POLR3GL: variants seen among roughly 807,000 people sequenced by gnomAD.
The protein encoded by POLR3GL is DNA-directed RNA polymerase III subunit RPC7-like.
POLR3GL carries 26 observed loss-of-function variants against 32.4 expected under a neutral mutation model. The ratio of observed to expected loss-of-function variants is 0.80; its 90% CI spans 0.59 to 1.11. The LOEUF is 1.11. POLR3GL is among the 50% of genes most tolerant of loss of function. The pLI is 0.00. For synonymous variants in POLR3GL, 95 were observed against 98.7 expected, an observed-to-expected ratio of 0.96 and a Z score of 0.22; for missense variants, 229 against 280.1, an observed-to-expected ratio of 0.82 and a Z score of 1.30.
In POLR3GL at chr1:145,978,419, A is replaced by T; in HGVS notation, c.629A>T (p.Asp210Val). ...GGAGAGGACTTTGGTGGTGACAGTGATGACAATATGGACGAGGCTATATAC... is the reference window on the plus strand; with the variant it reads ...GGAGAGGACTTTGGTGGTGACAGTGTTGACAATATGGACGAGGCTATATAC... The part of the protein sequence containing the change: ...DNGEDFGGDS[D>V]DNMDEAIY Residue 210 changes from aspartate to valine, a missense_variant, in exon 8 of 8, where the codon GAT becomes GTT. Coordinates refer to ENST00000369314, the MANE Select transcript of POLR3GL (RefSeq NM_032305.3). The T allele has an allele frequency of 6.2e-7, 1 of 1,610,490 alleles. No individual in the cohort carries two copies. The highest frequency in any genetic ancestry group is 8.5e-7 in the Non-Finnish European group (1 of 1,176,974).
intron 1 of POLR3GL, among the ~76,000 whole-genome samples, chr1:145,969,357 C>T (rs1373418416): frequency 2.6e-5 from 4 of 151,864 alleles, no homozygotes; most frequent in Non-Finnish European, 2.9e-5. Flanking sequence ...CTCCACCTCC[C>T]GGGTTCAAGC....
Position 145,972,047 on chromosome 1 carries a change from G to T in POLR3GL, c.-41-2778G>T, listed in dbSNP as rs1327385984. Among the ~76,000 whole-genome samples the T allele has an allele frequency of 1.5e-3, 214 of 142,960 alleles. 1 individual carries two copies. Among genetic ancestry groups the T allele is most frequent in the African/African-American group, 5.4e-3 (202 of 37,452 alleles). 93.8% of individuals were successfully genotyped at this position (142,960 alleles called of 152,430 possible). A position where few individuals can be genotyped will look rare whatever the true frequency, so the allele number is the denominator to read the frequency against. ...GTGTGTGTGTATATATATAGAGAGA[G>T]AGAGAGAGAGAAATTCCCTATACAC... On this transcript the variant is annotated intron_variant, in intron 1 of 7. Coordinates refer to ENST00000369314, the MANE Select transcript of POLR3GL (RefSeq NM_032305.3).
chr1:145,977,574 G>C, intron 5 of POLR3GL, 35 bp downstream of exon 5: 2 of 1,592,862 alleles, frequency 1.3e-6, no homozygotes, highest in South Asian at 1.1e-5. Flanking sequence ...GGAGAAGAGA[G>C]GTTTCCTTCA....
At chr1:145,976,836 C>G (rs1650575522) in intron 3 of POLR3GL, among the ~76,000 whole-genome samples, 1 of 146,918 alleles carries the variant, frequency 6.8e-6, no homozygotes, top group Non-Finnish European at 1.5e-5. Context: ...TCGCTTGAAC[C>G]TGGGAGGTGG....
Position 145,978,527 on chromosome 1 carries a change from A to G in POLR3GL, c.*80A>G. ...TATTATTTGTTTCTTCAGACAAGCAAATCATTTGGTCAGAGTTCATATAAT... is the reference window on the plus strand; with the variant it reads ...TATTATTTGTTTCTTCAGACAAGCAGATCATTTGGTCAGAGTTCATATAAT... On this transcript the variant is annotated 3_prime_UTR_variant, in exon 8 of 8. Transcript: ENST00000369314. The G allele has an allele frequency of 2.2e-6, 2 of 930,198 alleles. No individual in the cohort carries two copies. Among genetic ancestry groups the G allele is most frequent in the Admixed American group, 2.0e-5 (1 of 50,692 alleles). 57.6% of individuals were successfully genotyped at this position (930,198 alleles called of 1,614,324 possible).
chr1:145,975,238 G>A, intron 2 of POLR3GL, 69 bp from the exon 3 acceptor site: 1 of 1,574,458 alleles, frequency 6.4e-7, no homozygotes, highest in Non-Finnish European at 8.7e-7. Flanking sequence ...ACTAAATTGG[G>A]AGGAGGGGTC....
rs1553762429 is a variant in POLR3GL at position 145,970,143 on chromosome 1, G to C, written c.-41-4682G>C. On this transcript the variant is annotated intron_variant, in intron 1 of 7. Coordinates refer to ENST00000369314, the MANE Select transcript of POLR3GL (RefSeq NM_032305.3). Reference sequence around the variant, plus strand: ...TCTTGGGAATTTTGAATTGCTACTTGATTTTTGTTTTAGCTTTTTGTTTTG... The same window carrying C: ...TCTTGGGAATTTTGAATTGCTACTTCATTTTTGTTTTAGCTTTTTGTTTTG... Among the ~76,000 whole-genome samples the C allele has an allele frequency of 2.0e-5, 3 of 152,032 alleles. No homozygotes were observed. In the South Asian group the frequency reaches 6.2e-4, roughly 32 times the overall value.
At position 145,966,541 on chromosome 1, in the gene POLR3GL, A is replaced by G. The variant is rs143965735; in HGVS notation, c.-42+1773A>G. On this transcript the variant is annotated intron_variant, in intron 1 of 7. Transcript: ENST00000369314. ...GATGGCTCATGCCTGTAATCCCAGCACTTTGTGAGGCCAAGGCGGGTGGAT... is the reference window on the plus strand; with the variant it reads ...GATGGCTCATGCCTGTAATCCCAGCGCTTTGTGAGGCCAAGGCGGGTGGAT... Among the ~76,000 whole-genome samples the G allele has an allele frequency of 5.0e-4, 76 of 151,712 alleles. 1 individual carries two copies. The highest frequency in any genetic ancestry group is 1.8e-3 in the African/African-American group (73 of 41,328).
intron 4 of POLR3GL, 120 bp downstream of exon 4, chr1:145,977,272 CT>C: frequency 1.0e-6 from 1 of 967,692 alleles, no homozygotes; most frequent in Non-Finnish European, 1.7e-6. Flanking sequence ...AAGCTAGAGC[CT>C]TAGTTATGGT....
chr1:145,977,238 C>T (rs1650598529), intron 4 of POLR3GL, 86 bp downstream of exon 4: 1 of 1,175,064 alleles, frequency 8.5e-7, no homozygotes, highest in East Asian at 2.3e-5. Flanking sequence ...ATGACCCCAC[C>T]CCATTCCCCG....
At chr1:145,971,136 A>C (rs1650268363) in intron 1 of POLR3GL, among the ~76,000 whole-genome samples, 1 of 141,136 alleles carries the variant, frequency 7.1e-6, no homozygotes, top group South Asian at 2.3e-4. Context: ...CAGTGAGCCG[A>C]GATCGCGCCA....
At chr1:145,977,019 ACTCTCAGGAACAGTC>A (rs1650585751) in intron 3 of POLR3GL, 50 bp from the exon 4 acceptor site, 1 of 1,315,008 alleles carries the variant, frequency 7.6e-7, no homozygotes, top group Admixed American at 1.7e-5. Context: ...AGAGGGCTGG[ACTCTCAGGAACAGTC>A]CTGTTCTGGG....
In POLR3GL at chr1:145,978,437, C is replaced by A. The variant is rs782652359; in HGVS notation, c.647C>A (p.Ala216Asp). Reference protein sequence around the residue: ...GGDSDDNMDEAIY With the variant: ...GGDSDDNMDEDIY ...GACAGTGATGACAATATGGACGAGG[C>A]TATATACTGAAGAAGGACTCTGGAC... Residue 216 changes from alanine (A) to aspartate (D), a missense_variant, in exon 8 of 8, where the codon GCT (alanine) becomes GAT (aspartate). Transcript: ENST00000369314. 1 of 1,601,188 alleles carries A rather than the reference C, an allele frequency of 6.2e-7. No homozygotes were observed. Among genetic ancestry groups the A allele is most frequent in the East Asian group, 2.2e-5 (1 of 44,824 alleles).
intron 1 of POLR3GL, among the ~76,000 whole-genome samples, chr1:145,971,249 A>C (rs1163544224): frequency 6.6e-6 from 1 of 151,726 alleles, no homozygotes; most frequent in Non-Finnish European, 1.5e-5. Flanking sequence ...GAATACTGAT[A>C]CATTATTATT....
intron 1 of POLR3GL, among the ~76,000 whole-genome samples, chr1:145,965,455 G>A (rs1553761895): frequency 6.6e-6 from 1 of 152,198 alleles, no homozygotes; most frequent in Non-Finnish European, 1.5e-5. Flanking sequence ...AAGGAAGAAA[G>A]CAAGGAGAAC....
intron 4 of POLR3GL, 78 bp from the exon 5 acceptor site, chr1:145,977,405 C>T: frequency 7.1e-7 from 1 of 1,403,978 alleles, no homozygotes; most frequent in Non-Finnish European, 1.0e-6. Flanking sequence ...AAACCCTCAC[C>T]CCCCTTTAAA....
At chr1:145,969,276 A>AT (rs1373694369) in intron 1 of POLR3GL, among the ~76,000 whole-genome samples, 5 of 151,296 alleles carry the variant, frequency 3.3e-5, no homozygotes, top group South Asian at 4.2e-4. Context: ...TTAAAAAAAA[A>AT]TTTTTTTGAG....
intron 1 of POLR3GL, among the ~76,000 whole-genome samples, chr1:145,972,124 G>A (rs1274764188): frequency 6.7e-6 from 1 of 148,196 alleles, no homozygotes; most frequent in African/African-American, 2.5e-5. Context: ...GCTCACGCCT[G>A]AATCCCAGCA....
At chr1:145,978,236 C>A in intron 7 of POLR3GL, 125 bp from the exon 8 acceptor site, 1 of 1,318,178 alleles carries the variant, frequency 7.6e-7, no homozygotes, top group Non-Finnish European at 1.1e-6. Flanking sequence ...TGCCCCCCTT[C>A]TACAAACTAC....
Sources: allele counts gnomAD v4.1 joint callset (sites outside exome capture counted in the v4.1 genomes callset), GRCh38; gene constraint gnomAD v4.1.1; transcripts MANE v1.5; gene names NCBI Gene and HGNC (gene_info 2026-07-23, HGNC 2026-07-21).